Variants in WDR89 observed in about 807,000 individuals in gnomAD.
WDR89 encodes the protein WD repeat domain 89.
A neutral mutation model predicts 29.1 loss-of-function variants in WDR89; 17 were observed. That is an observed-to-expected ratio of 0.58 (90% CI 0.40 to 0.88). The LOEUF is 0.88. WDR89 is among the 40% of genes least tolerant of loss of function. The pLI is 0.00. For synonymous variants in WDR89, 138 were observed against 157.8 expected (o/e 0.87, Z 0.94); for missense variants, 396 against 456.3 (o/e 0.87, Z 1.20).
At chr14:63,629,920 G>C (rs1002753324) in intron 1 of WDR89, among the ~76,000 whole-genome samples, 1 of 152,120 alleles carries the variant, frequency 6.6e-6, no homozygotes, top group Admixed American at 6.6e-5. Flanking sequence ...GGGGTCGGTA[G>C]CAAAAATATT....
chr14:63,622,512 T>A (rs572922423), intron 2 of WDR89, among the ~76,000 whole-genome samples: 1 of 150,364 alleles, frequency 6.7e-6, no homozygotes, highest in East Asian at 2.0e-4. Flanking sequence ...ACCCAGGGGG[T>A]GGAGGTTGCA....
rs1882932162 is a variant in WDR89 at position 63,624,923 on chromosome 14, C to G, written c.-32+5G>C. ...AGTTTGTTTAAAAGTTAAATACATACTTACCCAGCAAGCCCACTTTTAGGT... is the reference window on the plus strand; with the variant it reads ...AGTTTGTTTAAAAGTTAAATACATAGTTACCCAGCAAGCCCACTTTTAGGT... On this transcript the variant is annotated splice_donor_5th_base_variant and intron_variant, in intron 2 of 2. Transcript: ENST00000620954. 6.6e-6 allele frequency: 1 copy of G among 152,106 alleles called. No homozygotes were observed. Among genetic ancestry groups the G allele is most frequent in the African/African-American group, 2.4e-5 (1 of 41,416 alleles). The allele number at this position is 152,106 out of a possible 1,614,324, so 9.4% of individuals were successfully genotyped here. A position where few individuals can be genotyped will look rare whatever the true frequency, so the allele number is the denominator to read the frequency against.
At chr14:63,623,536 T>C (rs1882840593) in intron 2 of WDR89, among the ~76,000 whole-genome samples, 1 of 151,590 alleles carries the variant, frequency 6.6e-6, no homozygotes, top group African/African-American at 2.4e-5. Flanking sequence ...AAACCCTGTC[T>C]CCACTAAAAT....
In WDR89 at chr14:63,639,357, C is replaced by CAAA. The variant is rs777712423; in HGVS notation, c.-138+2444_-138+2446dup. 4.9e-4 allele frequency among the ~76,000 whole-genome samples: 32 copies of CAAA among 64,700 alleles called. No individual in the cohort carries two copies. The South Asian group carries it at 0.01, about 20-fold the overall frequency. The allele number at this position is 64,700 out of a possible 152,430, so 42.4% of individuals were successfully genotyped here. A position where few individuals can be genotyped will look rare whatever the true frequency, so the allele number is the denominator to read the frequency against. On this transcript the variant is annotated intron_variant, in intron 1 of 2. Transcript: ENST00000620954. Reference sequence around the variant, plus strand: ...CAACATAGCGAGACCTCATCTCTACCAAAAAAAAAAAAAAAAAAAAGGAAG... The same window carrying CAAA: ...CAACATAGCGAGACCTCATCTCTACCAAAAAAAAAAAAAAAAAAAAAAAGGAAG...
chr14:63,605,065 C>T (rs1381452320), intron 2 of WDR89, among the ~76,000 whole-genome samples: 1 of 152,002 alleles, frequency 6.6e-6, no homozygotes, highest in African/African-American at 2.4e-5. Context: ...CAGGGGAATG[C>T]TTGAGCCCGG....
At chr14:63,617,081 T>A (rs1882362873) in intron 2 of WDR89, among the ~76,000 whole-genome samples, 1 of 147,370 alleles carries the variant, frequency 6.8e-6, no homozygotes, top group South Asian at 2.1e-4. Context: ...TACAAGCTTT[T>A]TTTTTTTTTT....
chr14:63,628,916 G>A (rs1883230046), intron 1 of WDR89, among the ~76,000 whole-genome samples: 1 of 151,716 alleles, frequency 6.6e-6, no homozygotes, highest in Non-Finnish European at 1.5e-5. Flanking sequence ...AGCAGCCTGG[G>A]TGACAATGTG....
At chr14:63,609,719 G>A (rs1881829095) in intron 2 of WDR89, among the ~76,000 whole-genome samples, 1 of 152,090 alleles carries the variant, frequency 6.6e-6, no homozygotes, top group Non-Finnish European at 1.5e-5. Context: ...ATACCTGGAA[G>A]GTGGAGGTTA....
chr14:63,640,728 G>A (rs1183480193), intron 1 of WDR89, among the ~76,000 whole-genome samples: 1 of 150,348 alleles, frequency 6.7e-6, no homozygotes, highest in Non-Finnish European at 1.5e-5. Flanking sequence ...CGCCCGCCTC[G>A]GCCTCCCAAA....
At chr14:63,615,743 G>C (rs1257689336) in intron 2 of WDR89, among the ~76,000 whole-genome samples, 1 of 152,068 alleles carries the variant, frequency 6.6e-6, no homozygotes, top group Non-Finnish European at 1.5e-5. Flanking sequence ...TGGCCAACAT[G>C]GCGAAACCTG....
chr14:63,620,169 T>C (rs757921926), intron 2 of WDR89, among the ~76,000 whole-genome samples: 22 of 152,090 alleles, frequency 1.4e-4, no homozygotes, highest in Non-Finnish European at 2.6e-4. Flanking sequence ...ATACAAAAAT[T>C]AGCCGAGCGT....
Position 63,635,004 on chromosome 14 carries a change from T to C in WDR89, c.-138+6800A>G, listed in dbSNP as rs1883639677. 3.3e-5 allele frequency among the ~76,000 whole-genome samples: 5 copies of C among 149,666 alleles called. No homozygotes were observed. The South Asian group carries it at 1.1e-3, about 31-fold the overall frequency. ...GTGAGCTGAGATTGTGCCACTACAC[T>C]CTGTCTCCAAAAAAAAAAAAAATGG... On this transcript the variant is annotated intron_variant, in intron 1 of 2. Coordinates refer to ENST00000620954, the MANE Select transcript of WDR89 (RefSeq NM_080666.4).
intron 1 of WDR89, among the ~76,000 whole-genome samples, chr14:63,638,235 G>A (rs1447332360): frequency 4.6e-5 from 7 of 152,038 alleles, no homozygotes; most frequent in African/African-American, 1.4e-4. Context: ...ATGAGCCACC[G>A]TTCTTGGCCA....
chr14:63,622,154 G>A lies in WDR89; in HGVS notation c.-32+2774C>T, dbSNP rs529897032. ...TGACAGGTCAAAGTAAAGTGCACCA[G>A]TCAGATGCGGTGGCTCATGCCTGTA... On this transcript the variant is annotated intron_variant, in intron 2 of 2. Transcript: ENST00000620954. 1.3e-4 allele frequency among the ~76,000 whole-genome samples: 20 copies of A among 152,354 alleles called. No homozygotes were observed. The South Asian group carries it at 4.1e-3, about 32-fold the overall frequency.
chr14:63,615,357 C>A (rs561868797), intron 2 of WDR89, among the ~76,000 whole-genome samples: 18 of 152,168 alleles, frequency 1.2e-4, no homozygotes, highest in Non-Finnish European at 1.9e-4. Context: ...CAGTTAGAAG[C>A]AATTCGGAAT....
chr14:63,640,846 C>T (rs1884069775), intron 1 of WDR89, among the ~76,000 whole-genome samples: 1 of 149,128 alleles, frequency 6.7e-6, no homozygotes, highest in Non-Finnish European at 1.5e-5. Context: ...GCCTGTAATC[C>T]CAGCACTTTG....
At chr14:63,629,746 C>G (rs1368836058) in intron 1 of WDR89, among the ~76,000 whole-genome samples, 3 of 152,150 alleles carry the variant, frequency 2.0e-5, no homozygotes, top group South Asian at 2.1e-4. Context: ...CTTGTATACC[C>G]AACTAAAACG....
rs201464185 is a variant in WDR89, at chr14:63,630,288, G to A, written c.-137-5255C>T. On this transcript the variant is annotated intron_variant, in intron 1 of 2. Coordinates refer to ENST00000620954, the MANE Select transcript of WDR89 (RefSeq NM_080666.4). ...AATTGCTCACATTTACAATGTAGAA[G>A]ATGGATTTAAATAGGGAGAGGTAAG... 7.2e-5 allele frequency among the ~76,000 whole-genome samples: 11 copies of A among 152,028 alleles called. No individual in the cohort carries two copies. The East Asian group carries it at 2.1e-3, about 30-fold the overall frequency.
intron 1 of WDR89, among the ~76,000 whole-genome samples, chr14:63,631,809 T>A (rs780961136): frequency 2.0e-5 from 3 of 150,666 alleles, no homozygotes; most frequent in Non-Finnish European, 4.4e-5. Context: ...CCAAGCGGAG[T>A]TGAGTCAGAA....
Sources: gnomAD v4.1 joint callset for allele counts (sites outside exome capture counted in the v4.1 genomes callset) on GRCh38, gnomAD v4.1.1 for gene constraint, MANE v1.5 for transcripts, NCBI Gene and HGNC (gene_info 2026-07-23, HGNC 2026-07-21) for gene names.